The following TF variants were observed in gnomAD, a reference collection of about 807,000 sequenced individuals.
The protein encoded by TF is transferrin, also known as serotransferrin.
A neutral mutation model predicts 82.4 loss-of-function variants in TF; 55 were observed. The ratio of observed to expected loss-of-function variants is 0.67; its 90% CI spans 0.54 to 0.84. The LOEUF (loss-of-function observed/expected upper bound fraction) is 0.84. Ranked by LOEUF, TF falls within the 40% of genes least tolerant of loss-of-function variation. TF has a pLI of 0.00. For missense variants in TF, 737 were observed against 868.4 expected, an observed-to-expected ratio of 0.85 and a Z score of 1.90; for synonymous variants, 332 against 332.6, an observed-to-expected ratio of 1.00 and a Z score of 0.02.
At chr3:133,748,809 C>T (rs750102457) in intron 2 of TF, 10 of 570,768 alleles carry the variant, frequency 1.8e-5, no homozygotes, top group East Asian at 9.5e-5. Context: ...ACACAGTAGA[C>T]GCAAGGGTGA....
Position 133,777,186 on chromosome 3 carries a change from A to T in TF, c.2010A>T (p.Leu670Phe). 1 of 1,614,070 alleles carries T rather than the reference A, an allele frequency of 6.2e-7. No individual in the cohort carries two copies. The highest frequency in any genetic ancestry group is 8.5e-7 in the Non-Finnish European group (1 of 1,180,020). The change falls in exon 16 of 17, where the codon TTA (leucine) becomes TTT (phenylalanine). Residue 670 changes from leucine to phenylalanine, a missense_variant. By Grantham distance (22) the Leu-to-Phe change is conservative. Transcript: ENST00000402696. The stretch of plus-strand genomic sequence containing the variant: ...ACAGAAACACATATGAAAAATACTT[A>T]GGAGAAGAATATGTCAAGGCTGTTG... ...LHDRNTYEKY[L>F]GEEYVKAVGN...
At chr3:133,670,114 T>C in the TF span, among the ~76,000 whole-genome samples, 1 of 152,180 alleles carries the variant, frequency 6.6e-6, no homozygotes, top group African/African-American at 2.4e-5. Flanking sequence ...AGAAACAGCA[T>C]GGACTATGGA....
chr3:133,724,905 G>A, the TF span, among the ~76,000 whole-genome samples: 344 of 152,024 alleles, frequency 2.3e-3, 1 homozygote, highest in African/African-American at 7.3e-3. Flanking sequence ...CCATTTATTA[G>A]ATAGGGAATC....
In TF at chr3:133,793,259, A is replaced by C. The variant is rs1436424971; in HGVS notation, c.*14639A>C. 1 of 152,168 alleles carries C rather than the reference A, an allele frequency of 6.6e-6. No homozygotes were observed. Among genetic ancestry groups the C allele is most frequent in the African/African-American group, 2.4e-5 (1 of 41,454 alleles). The allele number at this position is 152,168 out of a possible 1,614,324, so 9.4% of individuals were successfully genotyped here. ...TGGAAAGGTTTTTGCCTTTTAAAAC[A>C]TTTTTGAGTCATCATTTTGCTAAAT... On this transcript the variant is annotated 3_prime_UTR_variant, in exon 17 of 17. Coordinates refer to ENST00000402696, the MANE Select transcript of TF (RefSeq NM_001063.4).
the TF span, chr3:133,712,657 G>A: frequency 1.3e-3 from 202 of 156,368 alleles, 2 homozygotes; most frequent in Middle Eastern, 3.4e-3. Flanking sequence ...GTCCTTTCTC[G>A]CAGATGATTT....
At chr3:133,727,799 G>C in the TF span, among the ~76,000 whole-genome samples, 35 of 121,458 alleles carry the variant, frequency 2.9e-4, 3 homozygotes, top group Admixed American at 1.5e-3. Flanking sequence ...GGTACCGGTT[G>C]TTCCTTTCCA....
At chr3:133,728,496 C>T in the TF span, among the ~76,000 whole-genome samples, 10 of 152,264 alleles carry the variant, frequency 6.6e-5, no homozygotes, top group African/African-American at 2.4e-4. Flanking sequence ...CCTTGGCTTT[C>T]AGCTCCATCA....
chr3:133,682,141 T>A, the TF span, among the ~76,000 whole-genome samples: 1 of 152,214 alleles, frequency 6.6e-6, no homozygotes, highest in African/African-American at 2.4e-5. Flanking sequence ...CTGAGGGTCC[T>A]GACTGTTAGA....
intron 2 of TF, 169 bp downstream of exon 2, chr3:133,748,753 G>A: frequency 1.1e-6 from 1 of 870,778 alleles, no homozygotes; most frequent in Non-Finnish European, 1.8e-6. Context: ...TCTTTAATGT[G>A]TCTGGAAAGC....
rs1364418832 is a variant in TF at position 133,794,639 on chromosome 3, T to A, written c.*16019T>A. On this transcript the variant is annotated 3_prime_UTR_variant, in exon 17 of 17. Transcript: ENST00000402696. ...ACACTACAGCAAAACTTCTGGACTT[T>A]GAACTTTGGGTTCATGATCTCACAA... is the stretch of plus-strand genomic sequence containing the variant. The A allele has an allele frequency of 2.0e-5, 3 of 152,266 alleles. No homozygotes were observed. The highest frequency in any genetic ancestry group is 4.4e-5 in the Non-Finnish European group (3 of 68,044). 9.4% of individuals were successfully genotyped at this position (152,266 alleles called of 1,614,324 possible).
At chr3:133,764,327 AGAG>A (rs1934071498) in intron 10 of TF, 52 bp downstream of exon 10, 6 of 1,448,232 alleles carry the variant, frequency 4.1e-6, no homozygotes, top group Non-Finnish European at 5.8e-6. Context: ...GGCCATGGAG[AGAG>A]GAGATGGAAA....
At chr3:133,729,696 GT>G in the TF span, among the ~76,000 whole-genome samples, 1 of 152,140 alleles carries the variant, frequency 6.6e-6, no homozygotes, top group Non-Finnish European at 1.5e-5. Flanking sequence ...GCACTCCCTA[GT>G]GAGATGAACC....
At position 133,793,837 on chromosome 3, in the gene TF, T is replaced by C. The variant is rs1416620030; in HGVS notation, c.*15217T>C. On this transcript the variant is annotated 3_prime_UTR_variant, in exon 17 of 17. Coordinates refer to ENST00000402696, the MANE Select transcript of TF (RefSeq NM_001063.4). The stretch of plus-strand genomic sequence containing the variant: ...AAAAGCACTCTTGAATACAGGTTTC[T>C]AATAAGTTTAGAATTATATCATTTG... 5 of 152,200 alleles carry C rather than the reference T, an allele frequency of 3.3e-5. No individual in the cohort carries two copies. Among genetic ancestry groups the C allele is most frequent in the Non-Finnish European group, 7.3e-5 (5 of 68,032 alleles). 9.4% of individuals were successfully genotyped at this position (152,200 alleles called of 1,614,324 possible).
At chr3:133,707,527 C>G in the TF span, 2 of 152,182 alleles carry the variant, frequency 1.3e-5, no homozygotes, top group Admixed American at 1.3e-4. Context: ...CACCATTTAA[C>G]TGAAGAAAAA....
chr3:133,735,507 C>T, the TF span, among the ~76,000 whole-genome samples: 5 of 151,914 alleles, frequency 3.3e-5, no homozygotes, highest in African/African-American at 1.2e-4. Context: ...CAAACCCCTC[C>T]GAGCTAAAGG....
At chr3:133,756,057 A>C (rs1483886235) in intron 5 of TF, among the ~76,000 whole-genome samples, 1 of 152,110 alleles carries the variant, frequency 6.6e-6, no homozygotes, top group African/African-American at 2.4e-5. Context: ...AAATATCTTC[A>C]GTTGCATTTT....
chr3:133,796,058 A>G lies in TF; in HGVS notation c.*17438A>G, dbSNP rs1033620129. On this transcript the variant is annotated 3_prime_UTR_variant, in exon 17 of 17. Coordinates refer to ENST00000402696, the MANE Select transcript of TF (RefSeq NM_001063.4). ...TTTTGTTTTTCTCCTACAAATCTCTATAACAAACATTCCTGACAGCATAGA... is the reference window on the plus strand; with the variant it reads ...TTTTGTTTTTCTCCTACAAATCTCTGTAACAAACATTCCTGACAGCATAGA... The G allele has an allele frequency of 3.9e-5, 6 of 152,764 alleles. No homozygotes were observed. The highest frequency in any genetic ancestry group is 7.3e-5 in the Non-Finnish European group (5 of 68,070). 9.5% of individuals were successfully genotyped at this position (152,764 alleles called of 1,614,324 possible).
chr3:133,728,583 T>C, the TF span, among the ~76,000 whole-genome samples: 1 of 152,370 alleles, frequency 6.6e-6, no homozygotes, highest in Admixed American at 6.5e-5. Context: ...TTATAACTTC[T>C]TTGCCTTTGG....
the TF span, among the ~76,000 whole-genome samples, chr3:133,710,903 C>G: frequency 6.6e-6 from 1 of 152,184 alleles, no homozygotes; most frequent in Non-Finnish European, 1.5e-5. Context: ...CTCTTCAACT[C>G]CCTGCCGCCT....
Sources: allele counts gnomAD v4.1 joint callset (sites outside exome capture counted in the v4.1 genomes callset), GRCh38; gene constraint gnomAD v4.1.1; transcripts MANE v1.5; gene names NCBI Gene and HGNC (gene_info 2026-07-23, HGNC 2026-07-21).